Variants in VNN1 observed in about 807,000 individuals in gnomAD.
The protein encoded by VNN1 is vanin 1, also known as pantetheinase.
VNN1 carries 29 observed loss-of-function variants against 41.9 expected under a neutral mutation model. The observed-to-expected ratio is 0.69, with a 90% CI of 0.52 to 0.94. The LOEUF (loss-of-function observed/expected upper bound fraction) is 0.94. VNN1 is among the 40% of genes least tolerant of loss of function. VNN1 has a pLI of 0.00. For synonymous variants in VNN1, 233 were observed against 224.4 expected, an observed-to-expected ratio of 1.04 and a Z score of -0.34; for missense variants, 637 against 621.1, an observed-to-expected ratio of 1.03 and a Z score of -0.27.
chr6:132,690,162 A>G (rs990263876), intron 5 of VNN1, among the ~76,000 whole-genome samples: 1 of 152,204 alleles, frequency 6.6e-6, no homozygotes, highest in Non-Finnish European at 1.5e-5. Context: ...TCATCTACAG[A>G]GTAGTAAAAA....
At position 132,694,158 on chromosome 6, in the gene VNN1, T is replaced by G. The variant is rs1408360052; in HGVS notation, c.366A>C (p.Glu122Asp). 2 of 1,611,084 alleles carry G rather than the reference T, an allele frequency of 1.2e-6. No homozygotes were observed. Among genetic ancestry groups the G allele is most frequent in the Admixed American group, 3.4e-5 (2 of 59,534 alleles). ...RNRFGQTPVQERLSCLAKNNS... is the reference protein window; with the variant it reads ...RNRFGQTPVQDRLSCLAKNNS... ...TGTTCTTGGCCAGGCAGCTGAGTCT[T>G]TCTTGTACTGGGGTCTGGCCAAATC... is the stretch of plus-strand genomic sequence containing the variant. Residue 122 changes from glutamate to aspartate, a missense_variant, in exon 3 of 7, where the codon GAA becomes GAC. Transcript: ENST00000367928.
In VNN1 at chr6:132,693,270, G is replaced by C. The variant is rs1254170236; in HGVS notation, c.580C>G (p.Pro194Ala). 6.2e-7 allele frequency: 1 copy of C among 1,613,774 alleles called. No homozygotes were observed. Among genetic ancestry groups the C allele is most frequent in the Non-Finnish European group, 8.5e-7 (1 of 1,179,848 alleles). Reference sequence around the variant, plus strand: ...GTGGTATTGAAAGTCACAATCTCAGGCTCCTTGGGTACATTGAATTGATTT... The same window carrying C: ...GTGGTATTGAAAGTCACAATCTCAGCCTCCTTGGGTACATTGAATTGATTT... ...GENQFNVPKE[P>A]EIVTFNTTFG... is the part of the protein sequence containing the mutation. The change falls in exon 4 of 7, where the codon CCT becomes GCT. Residue 194 changes from proline to alanine, a missense_variant. Coordinates refer to ENST00000367928, the MANE Select transcript of VNN1 (RefSeq NM_004666.3).
intron 2 of VNN1, among the ~76,000 whole-genome samples, chr6:132,695,841 A>AAAAC (rs372149031): frequency 3.2e-4 from 48 of 152,262 alleles, no homozygotes; most frequent in African/African-American, 4.8e-4. Context: ...CTACAACAAC[A>AAAAC]AAACAAACAA....
chr6:132,690,172 A>G lies in VNN1; in HGVS notation c.1188+2051T>C, dbSNP rs537752854. Among the ~76,000 whole-genome samples, 19 of 152,298 alleles carry G rather than the reference A, an allele frequency of 1.2e-4. No homozygotes were observed. The East Asian group carries it at 3.3e-3, about 26-fold the overall frequency. On this transcript the variant is annotated intron_variant, in intron 5 of 6. Transcript: ENST00000367928. ...CTCCATCATCTACAGAGTAGTAAAAATGATATATTCAAAGGTAGATCTGAC... is the reference window on the plus strand; with the variant it reads ...CTCCATCATCTACAGAGTAGTAAAAGTGATATATTCAAAGGTAGATCTGAC...
intron 2 of VNN1, among the ~76,000 whole-genome samples, chr6:132,696,932 C>T (rs1284678830): frequency 1.3e-5 from 2 of 151,794 alleles, no homozygotes; most frequent in Non-Finnish European, 2.9e-5. Context: ...GGTGAAACCC[C>T]GTCTCCACTA....
chr6:132,692,268 C>T lies in VNN1; in HGVS notation c.1143G>A (p.Gly381=), dbSNP rs267600813. 18 of 1,612,702 alleles carry T rather than the reference C, an allele frequency of 1.1e-5. No homozygotes were observed. The highest frequency in any genetic ancestry group is 6.7e-5 in the African/African-American group (5 of 74,990). ...CCACAGTGTGCAGTCCGTCAAATGC[C>T]CCTAGAGCGTACACTTCATTTGGTA... ...ENIPNEVYAL[G]AFDGLHTVEG... is the part of the protein sequence containing the mutation. The change falls in exon 5 of 7, where the codon GGG becomes GGA. Residue 381 remains glycine, a synonymous_variant. Coordinates refer to ENST00000367928, the MANE Select transcript of VNN1 (RefSeq NM_004666.3).
At chr6:132,712,000 CTTT>C (rs1280107479) in intron 1 of VNN1, among the ~76,000 whole-genome samples, 161 bp from the exon 2 acceptor site, 1 of 151,342 alleles carries the variant, frequency 6.6e-6, no homozygotes, top group Non-Finnish European at 1.5e-5. Flanking sequence ...TTTTAATTTC[CTTT>C]TTTTTCAGTG....
intron 5 of VNN1, 38 bp downstream of exon 5, chr6:132,692,185 T>A (rs1431848081): frequency 6.6e-7 from 1 of 1,508,804 alleles, no homozygotes; most frequent in African/African-American, 1.4e-5. Context: ...TGAGTGTCTT[T>A]ATTTTATCCA....
intron 4 of VNN1, 79 bp from the exon 5 acceptor site, chr6:132,692,663 C>A: frequency 6.8e-7 from 1 of 1,466,470 alleles, no homozygotes; most frequent in South Asian, 1.4e-5. Context: ...CTATTTTAAC[C>A]TCATATTCAC....
At chr6:132,703,189 A>T (rs899566057) in intron 2 of VNN1, among the ~76,000 whole-genome samples, 1 of 152,198 alleles carries the variant, frequency 6.6e-6, no homozygotes, top group Admixed American at 6.5e-5. Context: ...AAAGAAAAAG[A>T]CATCAATAAC....
intron 2 of VNN1, among the ~76,000 whole-genome samples, chr6:132,709,103 C>T (rs556270024): frequency 6.6e-6 from 1 of 152,116 alleles, no homozygotes; most frequent in Non-Finnish European, 1.5e-5. Flanking sequence ...TATTCACCTT[C>T]CCCACTTTAT....
Position 132,683,159 on chromosome 6 carries a change from A to G in VNN1, c.1523T>C (p.Val508Ala). 6.2e-7 allele frequency: 1 copy of G among 1,607,574 alleles called. No individual in the cohort carries two copies. Among genetic ancestry groups the G allele is most frequent in the Non-Finnish European group, 8.5e-7 (1 of 1,178,098 alleles). The change falls in exon 7 of 7, where the codon GTA (valine) becomes GCA (alanine). Residue 508 changes from valine (V) to alanine (A), a missense_variant. By Grantham distance (64) the Val-to-Ala change is moderately conservative. Transcript: ENST00000367928. ...AATATTCTACCAACTTAATGAGCAT[A>G]CAATAGGTGCTATAACTATTAGCAT... ...IIMLIVIAPI[V>A]CSLSW
chr6:132,708,554 TC>T (rs1353789654), intron 2 of VNN1, among the ~76,000 whole-genome samples: 13 of 152,204 alleles, frequency 8.5e-5, no homozygotes, highest in African/African-American at 2.9e-4. Context: ...TGTGCATACT[TC>T]AAACATACTC....
intron 2 of VNN1, among the ~76,000 whole-genome samples, chr6:132,696,516 C>A (rs111249329): frequency 0.019 from 2,929 of 152,184 alleles, 99 homozygotes; most frequent in African/African-American, 0.067. Context: ...ACACTATAAT[C>A]AAATTGTAGA....
intron 2 of VNN1, among the ~76,000 whole-genome samples, chr6:132,696,525 G>C (rs1351819024): frequency 6.6e-6 from 1 of 152,136 alleles, no homozygotes; most frequent in Non-Finnish European, 1.5e-5. Context: ...TCAAATTGTA[G>C]AGAGCCAAAG....
intron 2 of VNN1, among the ~76,000 whole-genome samples, chr6:132,703,741 A>G (rs1182960927): frequency 2.0e-5 from 3 of 152,194 alleles, no homozygotes; most frequent in South Asian, 2.1e-4. Flanking sequence ...AAACTCTCCA[A>G]TCAAAAGACA....
At chr6:132,694,617 G>A (rs2745435) in intron 2 of VNN1, among the ~76,000 whole-genome samples, 65,301 of 151,186 alleles carry the variant, frequency 0.43, 15,188 homozygotes, top group African/African-American at 0.59. Context: ...CACTTTGGGA[G>A]TCCAAGGAGG....
At chr6:132,689,132 C>T (rs1354789392) in intron 5 of VNN1, among the ~76,000 whole-genome samples, 2 of 152,100 alleles carry the variant, frequency 1.3e-5, no homozygotes, top group South Asian at 2.1e-4. Context: ...ATGATCTGCC[C>T]GCCTTGACCT....
Position 132,683,220 on chromosome 6 carries a change from C to T in VNN1, c.1462G>A (p.Ala488Thr). The T allele has an allele frequency of 6.2e-7, 1 of 1,614,098 alleles. No homozygotes were observed. The change falls in exon 7 of 7, where the codon GCT (alanine) becomes ACT (threonine). Residue 488 changes from alanine to threonine, a missense_variant. By Grantham distance (58) the Ala-to-Thr change is moderately conservative. Coordinates refer to ENST00000367928, the MANE Select transcript of VNN1 (RefSeq NM_004666.3). ...GCTTGTGCTGTGAGGCCTGATGAAG[C>T]ATTTGATGCCCAGTCCTTCTCATAC... The part of the protein sequence containing the change: ...RLYEKDWASN[A>T]SSGLTAQARI...
Sources: allele counts gnomAD v4.1 joint callset (sites outside exome capture counted in the v4.1 genomes callset), GRCh38; gene constraint gnomAD v4.1.1; transcripts MANE v1.5; gene names NCBI Gene and HGNC (gene_info 2026-07-23, HGNC 2026-07-21).